SLC38A1: variants seen among roughly 807,000 people sequenced by gnomAD.
The protein encoded by SLC38A1 is solute carrier family 38 member 1.
In SLC38A1, 18 loss-of-function variants were observed where a neutral mutation model predicts 60.3. The observed-to-expected ratio is 0.30, with a 90% confidence interval of 0.21 to 0.44. SLC38A1 has a LOEUF of 0.44. Among genes scored for constraint, SLC38A1 ranks in the 20% least tolerant of loss-of-function variants. SLC38A1 has a pLI of 1.00. For synonymous variants in SLC38A1, 196 were observed against 212.1 expected (o/e 0.92, Z 0.66); for missense variants, 448 against 587.2 (o/e 0.76, Z 2.45).
intron 1 of SLC38A1, among the ~76,000 whole-genome samples, chr12:46,256,708 C>G (rs1385061816): frequency 1.3e-5 from 2 of 151,314 alleles, no homozygotes; most frequent in African/African-American, 2.4e-5. Flanking sequence ...GCCAGCATGC[C>G]AGGCTTCTGG....
intron 1 of SLC38A1, among the ~76,000 whole-genome samples, chr12:46,256,602 C>A (rs1038455088): frequency 3.0e-5 from 2 of 66,954 alleles, no homozygotes; most frequent in Non-Finnish European, 5.9e-5. Context: ...ATCCAGTTTG[C>A]GCGCGCGCGC....
chr12:46,197,448 A>C (rs1939433189), intron 16 of SLC38A1: 1 of 276,426 alleles, frequency 3.6e-6, no homozygotes, highest in African/African-American at 2.3e-5. Context: ...CGGAGCTTAC[A>C]GTGAGCTGAG....
intron 1 of SLC38A1, chr12:46,267,176 A>C (rs1359865324): frequency 6.6e-6 from 1 of 152,256 alleles, no homozygotes; most frequent in Non-Finnish European, 1.5e-5. Context: ...GAAAAATGTA[A>C]AAACCCACTG....
At chr12:46,247,174 G>A (rs1193090906) in intron 1 of SLC38A1, among the ~76,000 whole-genome samples, 5 of 152,216 alleles carry the variant, frequency 3.3e-5, no homozygotes, top group Non-Finnish European at 5.9e-5. Context: ...AAGATGGACG[G>A]AGAATGAGTT....
intron 1 of SLC38A1, among the ~76,000 whole-genome samples, chr12:46,251,174 C>T (rs1350751251): frequency 6.6e-6 from 1 of 152,134 alleles, no homozygotes; most frequent in Non-Finnish European, 1.5e-5. Flanking sequence ...AGAACAGAGG[C>T]CTCAGAATTA....
chr12:46,224,865 C>A (rs1411579136), intron 5 of SLC38A1, among the ~76,000 whole-genome samples: 2 of 152,202 alleles, frequency 1.3e-5, no homozygotes, highest in Non-Finnish European at 2.9e-5. Flanking sequence ...ATAATAGTTT[C>A]ATCCAGGAAA....
chr12:46,213,112 T>C (rs540315910), intron 5 of SLC38A1, among the ~76,000 whole-genome samples: 11 of 152,250 alleles, frequency 7.2e-5, no homozygotes, highest in Admixed American at 4.6e-4. Context: ...TTAAAGGCTG[T>C]GTGCTGAGAT....
intron 5 of SLC38A1, among the ~76,000 whole-genome samples, chr12:46,209,952 A>T (rs1940079019): frequency 6.6e-6 from 1 of 152,228 alleles, no homozygotes; most frequent in South Asian, 2.1e-4. Flanking sequence ...AAAAAAATCC[A>T]GTCCCCAGAT....
chr12:46,197,879 G>C, intron 15 of SLC38A1, 40 bp downstream of exon 15: 1 of 1,607,178 alleles, frequency 6.2e-7, no homozygotes. Context: ...CCTGCAAACA[G>C]CTACTGTAGA....
At chr12:46,237,772 G>A (rs1941309852) in intron 3 of SLC38A1, among the ~76,000 whole-genome samples, 2 of 151,830 alleles carry the variant, frequency 1.3e-5, no homozygotes, top group African/African-American at 4.9e-5. Context: ...AGGCCCTTGA[G>A]GTTTGGATTG....
chr12:46,230,567 A>C (rs1941036372), intron 3 of SLC38A1, among the ~76,000 whole-genome samples: 1 of 152,234 alleles, frequency 6.6e-6, no homozygotes, highest in African/African-American at 2.4e-5. Flanking sequence ...ACAGAGTAAC[A>C]GCAATAGATG....
At chr12:46,253,193 T>A (rs1345008070) in intron 1 of SLC38A1, among the ~76,000 whole-genome samples, 2 of 152,148 alleles carry the variant, frequency 1.3e-5, no homozygotes, top group Non-Finnish European at 2.9e-5. Flanking sequence ...CAAAAATGTT[T>A]GGGACCAGAA....
chr12:46,224,684 G>A (rs1266570077), intron 5 of SLC38A1, among the ~76,000 whole-genome samples: 2 of 152,212 alleles, frequency 1.3e-5, no homozygotes, highest in Non-Finnish European at 2.9e-5. Flanking sequence ...TGTAGGAGCA[G>A]CTGGTTTTAC....
chr12:46,212,720 C>T (rs1387911450), intron 5 of SLC38A1, among the ~76,000 whole-genome samples: 1 of 152,142 alleles, frequency 6.6e-6, no homozygotes, highest in African/African-American at 2.4e-5. Flanking sequence ...CAGAGAGAAC[C>T]TAGTCCAGCA....
At chr12:46,257,954 C>T (rs989422585) in intron 1 of SLC38A1, among the ~76,000 whole-genome samples, 1 of 152,228 alleles carries the variant, frequency 6.6e-6, no homozygotes, top group Non-Finnish European at 1.5e-5. Flanking sequence ...GACAGAGCAG[C>T]TTCGAGGGCT....
chr12:46,262,074 C>A lies in SLC38A1; in HGVS notation c.-209+6452G>T, dbSNP rs548887062. Among the ~76,000 whole-genome samples, 22 of 152,234 alleles carry A rather than the reference C, an allele frequency of 1.4e-4. No homozygotes were observed. In the South Asian group the frequency reaches 4.1e-3, roughly 29 times the overall value. On this transcript the variant is annotated intron_variant, in intron 1 of 16. Transcript: ENST00000398637. ...AGCTCACAGGGGATGAGTATGGACC[C>A]CCTCTTTGTGGGGCATGGAGATGAA...
chr12:46,239,612 G>A (rs1265383031), intron 3 of SLC38A1, 67 bp downstream of exon 3: 24 of 1,577,768 alleles, frequency 1.5e-5, no homozygotes, highest in Non-Finnish European at 1.9e-5. Flanking sequence ...CAAAGTGATG[G>A]GATTACAGGT....
At chr12:46,256,559 T>C (rs1565797141) in intron 1 of SLC38A1, among the ~76,000 whole-genome samples, 1 of 150,716 alleles carries the variant, frequency 6.6e-6, no homozygotes, top group Non-Finnish European at 1.5e-5. Flanking sequence ...AAGGTCAAGC[T>C]CCCAAGGACA....
rs1938911601 is a variant in SLC38A1 at position 46,185,629 on chromosome 12, T to A, written c.*3341A>T. 6.6e-6 allele frequency: 1 copy of A among 152,000 alleles called. No homozygotes were observed. Among genetic ancestry groups the A allele is most frequent in the Admixed American group, 6.6e-5 (1 of 15,226 alleles). 9.4% of individuals were successfully genotyped at this position (152,000 alleles called of 1,614,324 possible). A position where few individuals can be genotyped will look rare whatever the true frequency, so the allele number is the denominator to read the frequency against. Reference sequence around the variant, plus strand: ...TATGCAGCAGCATCCTTTTCTGTGGTGGGCAGGGCAGGAGATGAACCATAG... The same window carrying A: ...TATGCAGCAGCATCCTTTTCTGTGGAGGGCAGGGCAGGAGATGAACCATAG... On this transcript the variant is annotated 3_prime_UTR_variant, in exon 17 of 17. Coordinates refer to ENST00000398637, the MANE Select transcript of SLC38A1 (RefSeq NM_030674.4).
Sources: gnomAD v4.1 joint callset for allele counts (sites outside exome capture counted in the v4.1 genomes callset) on GRCh38, gnomAD v4.1.1 for gene constraint, MANE v1.5 for transcripts, NCBI Gene and HGNC (gene_info 2026-07-23, HGNC 2026-07-21) for gene names.